FBXL7: variants seen among roughly 807,000 people sequenced by gnomAD.
The protein encoded by FBXL7 is F-box and leucine rich repeat protein 7.
A neutral mutation model predicts 38.3 loss-of-function variants in FBXL7; 12 were observed. That is an observed-to-expected ratio of 0.31 (90% CI 0.20 to 0.51). The LOEUF (loss-of-function observed/expected upper bound fraction) is 0.51, where lower values mean the gene tolerates loss of function less well. Ranked by LOEUF, FBXL7 falls within the 20% of genes least tolerant of loss-of-function variation. The pLI is 0.98. For synonymous variants in FBXL7, 297 were observed against 300.9 expected (o/e 0.99, Z 0.13); for missense variants, 567 against 676.4 (o/e 0.84, Z 1.79).
At chr5:15,561,179 T>C (rs1342084193) in intron 1 of FBXL7, among the ~76,000 whole-genome samples, 1 of 152,172 alleles carries the variant, frequency 6.6e-6, no homozygotes, top group Non-Finnish European at 1.5e-5. Flanking sequence ...TCTCTAGACT[T>C]CATCTGCTAT....
chr5:15,626,607 G>T (rs541554950), intron 2 of FBXL7, among the ~76,000 whole-genome samples: 1 of 150,750 alleles, frequency 6.6e-6, no homozygotes, highest in South Asian at 2.1e-4. Context: ...AAATTGTAAA[G>T]TAATATTTAA....
In FBXL7 at chr5:15,928,350, C is replaced by T. The variant is rs191291497; in HGVS notation, c.588C>T (p.Cys196=). 4,510 of 1,613,792 alleles carry T rather than the reference C, an allele frequency of 2.8e-3. 9 individuals carry two copies. The highest frequency in any genetic ancestry group is 3.5e-3 in the Non-Finnish European group (4,124 of 1,179,862). The change falls in exon 3 of 4, where the codon TGC becomes TGT. Residue 196 remains cysteine (C), a synonymous_variant. Coordinates refer to ENST00000504595, the MANE Select transcript of FBXL7 (RefSeq NM_012304.5). This position sits in a 1 kb window ranked among gnomAD's most constrained non-coding sequence, Gnocchi z 4.0. The part of the protein sequence containing the change: ...LMLETVTVSG[C]RRLTDRGLYT... Reference sequence around the variant, plus strand: ...TGGAAACCGTAACTGTCAGTGGCTGCAGGCGGCTCACAGACCGAGGGCTGT... The same window carrying T: ...TGGAAACCGTAACTGTCAGTGGCTGTAGGCGGCTCACAGACCGAGGGCTGT...
At chr5:15,747,697 C>G (rs951510220) in intron 2 of FBXL7, among the ~76,000 whole-genome samples, 1 of 152,168 alleles carries the variant, frequency 6.6e-6, no homozygotes, top group African/African-American at 2.4e-5. Flanking sequence ...TGCACACATA[C>G]GGACCCAACA....
At chr5:15,733,686 G>A (rs1040129005) in intron 2 of FBXL7, among the ~76,000 whole-genome samples, 12 of 152,194 alleles carry the variant, frequency 7.9e-5, no homozygotes, top group East Asian at 7.7e-4. Context: ...CAGTGGTAGC[G>A]GCAAGCTTCT....
intron 2 of FBXL7, among the ~76,000 whole-genome samples, chr5:15,790,092 G>A (rs1202048925): frequency 6.6e-6 from 1 of 152,142 alleles, no homozygotes; most frequent in East Asian, 1.9e-4. Flanking sequence ...CCAAACTCAT[G>A]AAGCTAGGTA....
At chr5:15,892,199 G>A (rs781452676) in intron 2 of FBXL7, among the ~76,000 whole-genome samples, 1 of 152,238 alleles carries the variant, frequency 6.6e-6, no homozygotes, top group Non-Finnish European at 1.5e-5. Context: ...ACTCCAACCA[G>A]AGGGTAGGTC....
At chr5:15,518,092 G>A (rs542085528) in intron 1 of FBXL7, among the ~76,000 whole-genome samples, 1 of 152,250 alleles carries the variant, frequency 6.6e-6, no homozygotes, top group South Asian at 2.1e-4. Context: ...CTGAGTTCAA[G>A]TGATTCTCCT....
chr5:15,707,799 G>A (rs567666315), intron 2 of FBXL7, among the ~76,000 whole-genome samples: 10 of 152,238 alleles, frequency 6.6e-5, no homozygotes, highest in African/African-American at 2.2e-4. Context: ...GTTTCTTGCA[G>A]CATCTGGGTG....
chr5:15,615,056 A>G (rs1740399546), intron 1 of FBXL7, among the ~76,000 whole-genome samples: 1 of 152,210 alleles, frequency 6.6e-6, no homozygotes, highest in South Asian at 2.1e-4. Flanking sequence ...GGACATGGAT[A>G]CCATGAGGGC....
At chr5:15,713,434 T>G (rs1743941626) in intron 2 of FBXL7, among the ~76,000 whole-genome samples, 1 of 152,130 alleles carries the variant, frequency 6.6e-6, no homozygotes. Flanking sequence ...TTCTTATGCT[T>G]CTCCTTTGAC....
At chr5:15,785,251 G>A (rs1737105225) in intron 2 of FBXL7, among the ~76,000 whole-genome samples, 1 of 152,188 alleles carries the variant, frequency 6.6e-6, no homozygotes, top group Admixed American at 6.5e-5. Context: ...GGAAGCGAGT[G>A]AAGCTGGGAG....
intron 1 of FBXL7, among the ~76,000 whole-genome samples, chr5:15,561,777 A>C (rs1218977753): frequency 6.6e-6 from 1 of 152,128 alleles, no homozygotes; most frequent in Non-Finnish European, 1.5e-5. Context: ...ATCTCATTGC[A>C]GTTTTGATTT....
intron 2 of FBXL7, among the ~76,000 whole-genome samples, chr5:15,869,518 C>G (rs1254073979): frequency 6.6e-6 from 1 of 152,170 alleles, no homozygotes; most frequent in East Asian, 1.9e-4. Context: ...CCTCTTAATG[C>G]TTTCCAATAT....
chr5:15,780,245 T>C (rs575725782), intron 2 of FBXL7, among the ~76,000 whole-genome samples: 35 of 152,272 alleles, frequency 2.3e-4, no homozygotes, highest in African/African-American at 7.5e-4. Flanking sequence ...AAAAGTTGCC[T>C]ATGGCAGCTT....
Position 15,828,412 on chromosome 5 carries a change from C to T in FBXL7, c.128-99478C>T, listed in dbSNP as rs569295756. On this transcript the variant is annotated intron_variant, in intron 2 of 3. Transcript: ENST00000504595. ...AGAAATAATTTATTACATGAAATTC[C>T]GGTTTCACTGAGTGTCTTGTATTTA... 8.5e-5 allele frequency among the ~76,000 whole-genome samples: 13 copies of T among 152,216 alleles called. No individual in the cohort carries two copies. The East Asian group carries it at 1.3e-3, about 16-fold the overall frequency.
At chr5:15,919,385 A>G (rs1023707786) in intron 2 of FBXL7, among the ~76,000 whole-genome samples, 4 of 152,102 alleles carry the variant, frequency 2.6e-5, no homozygotes, top group African/African-American at 9.7e-5. Context: ...ATTACTAACG[A>G]TATAAAATTT....
intron 1 of FBXL7, among the ~76,000 whole-genome samples, chr5:15,537,614 AC>A (rs1235493202): frequency 6.6e-6 from 1 of 152,250 alleles, no homozygotes; most frequent in Non-Finnish European, 1.5e-5. Flanking sequence ...GAAGGCTCCA[AC>A]AGGACAAATT....
chr5:15,812,568 G>T (rs1262580330), intron 2 of FBXL7, among the ~76,000 whole-genome samples: 2 of 152,136 alleles, frequency 1.3e-5, no homozygotes, highest in Admixed American at 6.6e-5. Flanking sequence ...GTAGTATGAT[G>T]CCTCCAGCTT....
chr5:15,702,235 C>A (rs1307118927), intron 2 of FBXL7, among the ~76,000 whole-genome samples: 14 of 137,116 alleles, frequency 1.0e-4, no homozygotes, highest in South Asian at 2.4e-4. Flanking sequence ...AGACTCCTCT[C>A]AAAAAAAAAA....
Sources: allele counts gnomAD v4.1 joint callset (sites outside exome capture counted in the v4.1 genomes callset), GRCh38; gene constraint gnomAD v4.1.1; non-coding constraint Gnocchi (gnomAD v3.1); transcripts MANE v1.5; gene names NCBI Gene and HGNC (gene_info 2026-07-23, HGNC 2026-07-21).